The following CDK19 variants were observed in gnomAD, a reference collection of about 807,000 sequenced individuals.
CDK19 encodes the protein cyclin-dependent kinase 19.
In CDK19, 20 loss-of-function variants were observed where a neutral mutation model predicts 68.3. The observed-to-expected ratio is 0.29, with a 90% confidence interval of 0.21 to 0.43. The LOEUF is 0.43. Among genes scored for constraint, CDK19 ranks in the 20% least tolerant of loss-of-function variants. The pLI, the probability that CDK19 is intolerant of heterozygous loss-of-function variation, is 1.00. For synonymous variants in CDK19, 221 were observed against 222.8 expected (o/e 0.99, Z 0.07); for missense variants, 339 against 623.5 (o/e 0.54, Z 4.86).
chr6:110,647,397 G>A (rs370159716), intron 4 of CDK19, among the ~76,000 whole-genome samples: 1 of 150,594 alleles, frequency 6.6e-6, no homozygotes, highest in Non-Finnish European at 1.5e-5. Context: ...GGGGTGGGGG[G>A]GAGGGAAGAT....
intron 5 of CDK19, among the ~76,000 whole-genome samples, chr6:110,635,627 C>T (rs1390454208): frequency 1.3e-5 from 2 of 152,192 alleles, no homozygotes; most frequent in Non-Finnish European, 2.9e-5. Context: ...GCAACCTCCG[C>T]CTCCCGGGTT....
intron 1 of CDK19, among the ~76,000 whole-genome samples, chr6:110,748,023 T>C (rs1045886775): frequency 6.6e-6 from 1 of 152,216 alleles, no homozygotes; most frequent in African/African-American, 2.4e-5. Context: ...TATTGCTAAA[T>C]ATTTAAGTTT....
intron 1 of CDK19, among the ~76,000 whole-genome samples, chr6:110,760,426 C>G (rs1409230383): frequency 7.2e-6 from 1 of 139,004 alleles, no homozygotes; most frequent in Non-Finnish European, 1.5e-5. Flanking sequence ...AAAAAAGCCT[C>G]AACTATATTA....
At chr6:110,767,933 A>G (rs1158512098) in intron 1 of CDK19, among the ~76,000 whole-genome samples, 2 of 152,218 alleles carry the variant, frequency 1.3e-5, no homozygotes, top group African/African-American at 4.8e-5. Flanking sequence ...TAATTGCAAA[A>G]CAAATATCTG....
chr6:110,735,139 G>A (rs550989932), intron 2 of CDK19, among the ~76,000 whole-genome samples: 32 of 150,350 alleles, frequency 2.1e-4, no homozygotes, highest in South Asian at 4.2e-4. Flanking sequence ...ATGAGACTGG[G>A]TCTTGCTATT....
intron 2 of CDK19, among the ~76,000 whole-genome samples, chr6:110,689,945 T>C (rs1179971161): frequency 1.3e-5 from 2 of 152,054 alleles, no homozygotes; most frequent in African/African-American, 2.4e-5. Flanking sequence ...GACAAAATCA[T>C]TGCGACAGCA....
intron 1 of CDK19, among the ~76,000 whole-genome samples, chr6:110,806,686 T>A (rs1256451913): frequency 6.6e-6 from 1 of 152,040 alleles, no homozygotes; most frequent in Non-Finnish European, 1.5e-5. Flanking sequence ...TGTTTAAGAT[T>A]TAAAATATGG....
At chr6:110,752,487 TAATG>T (rs1450726826) in intron 1 of CDK19, among the ~76,000 whole-genome samples, 2 of 152,234 alleles carry the variant, frequency 1.3e-5, no homozygotes, top group African/African-American at 2.4e-5. Flanking sequence ...TTCTTCTTAT[TAATG>T]AATGATGTCA....
chr6:110,627,784 AC>A (rs1466572927), intron 6 of CDK19, among the ~76,000 whole-genome samples: 3 of 152,232 alleles, frequency 2.0e-5, no homozygotes, highest in Non-Finnish European at 2.9e-5. Flanking sequence ...CAGGCGTAAT[AC>A]ACAGATCTGA....
chr6:110,725,558 G>C (rs1042278584), intron 2 of CDK19, among the ~76,000 whole-genome samples: 3 of 151,734 alleles, frequency 2.0e-5, no homozygotes, highest in Admixed American at 2.0e-4. Context: ...GAGGGGCAGA[G>C]AGAGAGAGAG....
In CDK19 at chr6:110,712,932, G is replaced by A. The variant is rs538335442; in HGVS notation, c.204+33194C>T. On this transcript the variant is annotated intron_variant, in intron 2 of 12. Coordinates refer to ENST00000368911, the MANE Select transcript of CDK19 (RefSeq NM_015076.5). Reference sequence around the variant, plus strand: ...CACAGTTAAAAAGCAACATATGGCCGGGTGTGGTGGCTCACACCTGTAATC... The same window carrying A: ...CACAGTTAAAAAGCAACATATGGCCAGGTGTGGTGGCTCACACCTGTAATC... Among the ~76,000 whole-genome samples the A allele has an allele frequency of 1.7e-4, 26 of 152,186 alleles. No homozygotes were observed. In the East Asian group the frequency reaches 5.0e-3, roughly 29 times the overall value.
At position 110,621,963 on chromosome 6, in the gene CDK19, T is replaced by C. The variant is rs561329297; in HGVS notation, c.1110+125A>G. ...CCCCAAACTTCCACAGAAAATAAGA[T>C]ACATTCAAATTTAATTAAATATTAG... On this transcript the variant is annotated intron_variant, in intron 11 of 12. Transcript: ENST00000368911. The surrounding 1 kb of genome is among the most constrained non-coding windows in gnomAD (Gnocchi z 5.4). The C allele has an allele frequency of 5.6e-6, 3 of 531,046 alleles. No individual in the cohort carries two copies. The highest frequency in any genetic ancestry group is 3.9e-5 in the African/African-American group (2 of 50,926). 32.9% of individuals were successfully genotyped at this position (531,046 alleles called of 1,614,324 possible). A position where few individuals can be genotyped will look rare whatever the true frequency, so the allele number is the denominator to read the frequency against.
rs141668723 is a variant in CDK19 at position 110,812,417 on chromosome 6, C to T, written c.128+2592G>A. On this transcript the variant is annotated intron_variant, in intron 1 of 12. Coordinates refer to ENST00000368911, the MANE Select transcript of CDK19 (RefSeq NM_015076.5). ...GATTACAGGCGTGAGCCACCGCACC[C>T]GACCCAGAGAATATTTTTAATTAAA... 4.6e-5 allele frequency among the ~76,000 whole-genome samples: 7 copies of T among 152,218 alleles called. No homozygotes were observed. In the East Asian group the frequency reaches 1.4e-3, roughly 29 times the overall value.
At chr6:110,777,579 A>G (rs567089965) in intron 1 of CDK19, among the ~76,000 whole-genome samples, 37 of 152,348 alleles carry the variant, frequency 2.4e-4, no homozygotes, top group African/African-American at 8.9e-4. Flanking sequence ...GGAAAATAGT[A>G]TAGTGGTTCA....
chr6:110,714,342 T>C (rs1000607888), intron 2 of CDK19, among the ~76,000 whole-genome samples: 17 of 152,226 alleles, frequency 1.1e-4, no homozygotes, highest in African/African-American at 4.1e-4. Flanking sequence ...ATTTCTAATT[T>C]TTTGTTATTG....
chr6:110,786,580 A>G (rs758973721), intron 1 of CDK19, among the ~76,000 whole-genome samples: 9 of 152,090 alleles, frequency 5.9e-5, no homozygotes, highest in African/African-American at 1.7e-4. Context: ...AATGTAGACA[A>G]TCCTTTCCAT....
rs988426180 is a variant in CDK19, at chr6:110,610,218, G to A, written c.*4317C>T. On this transcript the variant is annotated 3_prime_UTR_variant, in exon 13 of 13. Coordinates refer to ENST00000368911, the MANE Select transcript of CDK19 (RefSeq NM_015076.5). Reference sequence around the variant, plus strand: ...CAGTCATCTCTATAACCATATAAAGGGGGATGCGTGCAGAAAATGACTGAA... The same window carrying A: ...CAGTCATCTCTATAACCATATAAAGAGGGATGCGTGCAGAAAATGACTGAA... The A allele has an allele frequency of 6.6e-6, 1 of 152,444 alleles. No individual in the cohort carries two copies. Among genetic ancestry groups the A allele is most frequent in the Non-Finnish European group, 1.5e-5 (1 of 68,010 alleles). The allele number at this position is 152,444 out of a possible 1,614,324, so 9.4% of individuals were successfully genotyped here.
chr6:110,685,565 G>T (rs1399847055), intron 2 of CDK19, among the ~76,000 whole-genome samples: 2 of 152,168 alleles, frequency 1.3e-5, no homozygotes, highest in African/African-American at 4.8e-5. Flanking sequence ...CCAAACACAT[G>T]TAGATTTTCA....
chr6:110,619,568 G>A (rs572963263), intron 12 of CDK19, among the ~76,000 whole-genome samples: 1 of 151,720 alleles, frequency 6.6e-6, no homozygotes, highest in South Asian at 2.1e-4. Context: ...TCTGTCCTTG[G>A]AGAATCCTGT....
Sources: allele counts gnomAD v4.1 joint callset (sites outside exome capture counted in the v4.1 genomes callset), GRCh38; gene constraint gnomAD v4.1.1; non-coding constraint Gnocchi (gnomAD v3.1); transcripts MANE v1.5; gene names NCBI Gene and HGNC (gene_info 2026-07-23, HGNC 2026-07-21).